The following RAB40B variants were observed in gnomAD, a reference collection of about 807,000 sequenced individuals.
RAB40B encodes RAB40B, member RAS oncogene family.
A neutral mutation model predicts 24.0 loss-of-function variants in RAB40B; 21 were observed. The observed-to-expected ratio is 0.88, with a 90% confidence interval of 0.62 to 1.26. The LOEUF is 1.26. RAB40B is among the 50% of genes most tolerant of loss of function. The pLI is 0.00. For missense variants in RAB40B, 348 were observed against 390.5 expected, an observed-to-expected ratio of 0.89 and a Z score of 0.92; for synonymous variants, 167 against 169.8, an observed-to-expected ratio of 0.98 and a Z score of 0.13.
At chr17:82,664,445 G>T (rs768947268) in intron 2 of RAB40B, 51 bp downstream of exon 2, 1 of 1,580,892 alleles carries the variant, frequency 6.3e-7, no homozygotes, top group Admixed American at 1.7e-5. Flanking sequence ...ATGCCAGCCA[G>T]GGGGGTTACT....
rs1286213371 is a variant in RAB40B at position 82,655,350 on chromosome 17, C to A, written c.*2513G>T. ...AAGGCCTCCGGGCGGCCCGTGCATTCGGTGAACACCTCCAAAGAGCTCTGA... is the reference window on the plus strand; with the variant it reads ...AAGGCCTCCGGGCGGCCCGTGCATTAGGTGAACACCTCCAAAGAGCTCTGA... On this transcript the variant is annotated 3_prime_UTR_variant, in exon 6 of 6. Coordinates refer to ENST00000571995, the MANE Select transcript of RAB40B (RefSeq NM_006822.3). 6.6e-6 allele frequency: 1 copy of A among 152,136 alleles called. No homozygotes were observed. The highest frequency in any genetic ancestry group is 2.1e-4 in the South Asian group (1 of 4,838). 9.4% of individuals were successfully genotyped at this position (152,136 alleles called of 1,614,324 possible).
rs951529490 is a variant in RAB40B at position 82,657,988 on chromosome 17, C to T, written c.712G>A (p.Gly238Ser). The T allele has an allele frequency of 3.7e-6, 6 of 1,614,160 alleles. No individual in the cohort carries two copies. Among genetic ancestry groups the T allele is most frequent in the Non-Finnish European group, 5.1e-6 (6 of 1,180,032 alleles). ...CTGGTGGTGAGGGAGTAGGAACCGC[C>T]GTGCATCATCCTGGCATTCAGGCCG... The part of the protein sequence containing the change: ...ANGLNARMMH[G>S]GSYSLTTSST... The change falls in exon 6 of 6, where the codon GGC becomes AGC. Residue 238 changes from glycine to serine, a missense_variant. Physicochemically the swap from Gly to Ser is moderately conservative, Grantham distance 56. Coordinates refer to ENST00000571995, the MANE Select transcript of RAB40B (RefSeq NM_006822.3).
intron 1 of RAB40B, chr17:82,664,885 G>A (rs936543457): frequency 3.9e-6 from 1 of 254,718 alleles, no homozygotes; most frequent in Admixed American, 5.0e-5. Flanking sequence ...TGGCCGCTGG[G>A]TGTGCCCCCG....
chr17:82,674,906 G>A (rs983357070), intron 1 of RAB40B, among the ~76,000 whole-genome samples: 1 of 152,100 alleles, frequency 6.6e-6, no homozygotes, highest in African/African-American at 2.4e-5. Context: ...TAATCCTGAC[G>A]GCATCGTTCA....
At chr17:82,670,246 C>T (rs181787544) in intron 1 of RAB40B, among the ~76,000 whole-genome samples, 7 of 139,684 alleles carry the variant, frequency 5.0e-5, no homozygotes, top group East Asian at 2.2e-4. Context: ...AGTGCAGTGA[C>T]GTGATCTCGC....
At chr17:82,671,248 C>A (rs945147294) in intron 1 of RAB40B, among the ~76,000 whole-genome samples, 1 of 147,854 alleles carries the variant, frequency 6.8e-6, no homozygotes. Context: ...CACACCCCAA[C>A]CCTGTAACCC....
chr17:82,673,842 T>A (rs2046365156), intron 1 of RAB40B, among the ~76,000 whole-genome samples: 1 of 152,172 alleles, frequency 6.6e-6, no homozygotes, highest in Admixed American at 6.5e-5. Context: ...TAATTTGTTC[T>A]CTCCTTCTGG....
In RAB40B at chr17:82,675,098, C is replaced by T. The variant is rs1311815089; in HGVS notation, c.143-10542G>A. Among the ~76,000 whole-genome samples, 1 of 152,158 alleles carries T rather than the reference C, an allele frequency of 6.6e-6. No individual in the cohort carries two copies. Reference sequence around the variant, plus strand: ...AGAGAGAGAGAAAACATCTGACACCCCCTAAACTGGGAAAAGCTACAAAGG... The same window carrying T: ...AGAGAGAGAGAAAACATCTGACACCTCCTAAACTGGGAAAAGCTACAAAGG... On this transcript the variant is annotated intron_variant, in intron 1 of 5. Coordinates refer to ENST00000571995, the MANE Select transcript of RAB40B (RefSeq NM_006822.3). The surrounding 1 kb of genome is among the most constrained non-coding windows in gnomAD (Gnocchi z 4.5).
intron 1 of RAB40B, among the ~76,000 whole-genome samples, chr17:82,682,844 T>C (rs1015950452): frequency 2.2e-4 from 33 of 152,234 alleles, no homozygotes; most frequent in South Asian, 1.7e-3. Flanking sequence ...TACCTCACAC[T>C]ATATTAAAAA....
chr17:82,664,400 G>A lies in RAB40B; in HGVS notation c.203+96C>T, dbSNP rs1301759027. 3 of 1,242,944 alleles carry A rather than the reference G, an allele frequency of 2.4e-6. No individual in the cohort carries two copies. The African/African-American group carries it at 4.5e-5, about 19-fold the overall frequency. 77.0% of individuals were successfully genotyped at this position (1,242,944 alleles called of 1,614,324 possible). On this transcript the variant is annotated intron_variant, in intron 2 of 5. Coordinates refer to ENST00000571995, the MANE Select transcript of RAB40B (RefSeq NM_006822.3). ...CTGTGCCGATGGTGGTGGGGGATGG[G>A]TGCTCCCCGGGGCACTGTGCTGACA... is the stretch of plus-strand genomic sequence containing the variant.
intron 2 of RAB40B, chr17:82,662,596 A>C (rs2046188220): frequency 1.0e-6 from 1 of 985,128 alleles, no homozygotes; most frequent in East Asian, 1.1e-4. Flanking sequence ...TCTGGGGTCC[A>C]CACTCCGGGG....
chr17:82,677,772 T>C (rs1374733887), intron 1 of RAB40B, among the ~76,000 whole-genome samples: 4 of 152,180 alleles, frequency 2.6e-5, no homozygotes. Context: ...CCCCCGGATG[T>C]GGGGCCCTCT....
At chr17:82,658,248 C>A in intron 5 of RAB40B, 114 bp from the exon 6 acceptor site, 1 of 1,413,920 alleles carries the variant, frequency 7.1e-7, no homozygotes, top group Non-Finnish European at 9.5e-7. Flanking sequence ...GCCCGTGGCC[C>A]TGGCTTGTAC....
rs1047636909 is a variant in RAB40B at position 82,689,372 on chromosome 17, A to C, written c.142+9083T>G. The stretch of plus-strand genomic sequence containing the variant: ...ACTCAGGGGCGATGGGTGGGCCTCC[A>C]GCCCCCAGAGCTGACCCTCTCTCTG... On this transcript the variant is annotated intron_variant, in intron 1 of 5. Coordinates refer to ENST00000571995, the MANE Select transcript of RAB40B (RefSeq NM_006822.3). Among the ~76,000 whole-genome samples, 5 of 152,232 alleles carry C rather than the reference A, an allele frequency of 3.3e-5. No individual in the cohort carries two copies. The South Asian group carries it at 1.0e-3, about 31-fold the overall frequency.
intron 1 of RAB40B, among the ~76,000 whole-genome samples, chr17:82,679,140 C>A (rs1177179692): frequency 2.0e-5 from 3 of 151,270 alleles, no homozygotes; most frequent in Admixed American, 6.6e-5. Context: ...GCCTCGGCCT[C>A]CCAAAGTGCT....
intron 5 of RAB40B, 152 bp from the exon 6 acceptor site, chr17:82,658,286 C>G: frequency 8.6e-7 from 1 of 1,167,292 alleles, no homozygotes; most frequent in Non-Finnish European, 1.2e-6. Context: ...GCGACGTCCC[C>G]TCTGCCCACG....
intron 1 of RAB40B, among the ~76,000 whole-genome samples, chr17:82,684,516 A>G (rs2046477998): frequency 6.6e-6 from 1 of 152,202 alleles, no homozygotes; most frequent in Non-Finnish European, 1.5e-5. Context: ...TAGATCGCCA[A>G]AAGCTGGAAA....
chr17:82,692,389 C>G lies in RAB40B; in HGVS notation c.142+6066G>C, dbSNP rs2254862. Among the ~76,000 whole-genome samples, 111,441 of 152,146 alleles carry G rather than the reference C, an allele frequency of 0.73. 41,865 individuals carry two copies. Among genetic ancestry groups the G allele is most frequent in the East Asian group, 0.85 (4,410 of 5,182 alleles). On this transcript the variant is annotated intron_variant, in intron 1 of 5. Transcript: ENST00000571995. This position sits in a 1 kb window ranked among gnomAD's most constrained non-coding sequence, Gnocchi z 4.0. The stretch of plus-strand genomic sequence containing the variant: ...AGAATCCAGGCCTCGCTGACCGTAT[C>G]GGAGCAAAGGGAACACCTGGGCACA...
At position 82,675,395 on chromosome 17, in the gene RAB40B, G is replaced by A. The variant is rs2248370; in HGVS notation, c.143-10839C>T. Among the ~76,000 whole-genome samples the A allele has an allele frequency of 0.59, 89,975 of 151,230 alleles. 27,352 individuals are homozygous for A. Among genetic ancestry groups the A allele is most frequent in the Admixed American group, 0.71 (10,875 of 15,218 alleles). On this transcript the variant is annotated intron_variant, in intron 1 of 5. Transcript: ENST00000571995. This position sits in a 1 kb window ranked among gnomAD's most constrained non-coding sequence, Gnocchi z 4.5. ...GCCTGTCTGACGTGGTCTCCACCAA[G>A]CGCTGGCTTCCTTCACAGCAGCACT...
Sources: allele counts gnomAD v4.1 joint callset (sites outside exome capture counted in the v4.1 genomes callset), GRCh38; gene constraint gnomAD v4.1.1; non-coding constraint Gnocchi (gnomAD v3.1); transcripts MANE v1.5; gene names NCBI Gene and HGNC (gene_info 2026-07-23, HGNC 2026-07-21).